Variants in SDK1 observed in about 807,000 individuals in gnomAD.
The protein encoded by SDK1 is protein sidekick-1.
SDK1 carries 157 observed loss-of-function variants against 245.5 expected under a neutral mutation model. That is an observed-to-expected ratio of 0.64 (90% CI 0.56 to 0.73). SDK1 has a LOEUF of 0.73. Ranked by LOEUF, SDK1 falls within the 30% of genes least tolerant of loss-of-function variation. The pLI is 0.00. For missense variants in SDK1, 3,583 were observed against 3,002.3 expected, an observed-to-expected ratio of 1.19 and a Z score of -4.52; for synonymous variants, 1,647 against 1,278.5, an observed-to-expected ratio of 1.29 and a Z score of -6.15.
At chr7:3,303,231 T>C (rs1779328294) in intron 1 of SDK1, among the ~76,000 whole-genome samples, 1 of 152,232 alleles carries the variant, frequency 6.6e-6, no homozygotes, top group South Asian at 2.1e-4. Flanking sequence ...TATTAAGTCA[T>C]TTTGTACAGT....
chr7:3,391,332 G>C (rs1032638346), intron 1 of SDK1, among the ~76,000 whole-genome samples: 2 of 152,072 alleles, frequency 1.3e-5, no homozygotes, highest in African/African-American at 4.8e-5. Context: ...CATGACCTTG[G>C]TTCCATTGTG....
chr7:4,265,085 CCTGCCCTGCACT>C, intron 44 of SDK1, 27 bp from the exon 45 acceptor site: 1 of 1,594,056 alleles, frequency 6.3e-7, no homozygotes, highest in Non-Finnish European at 8.5e-7. Context: ...GGCCCTGCGC[CCTGCCCTGCACT>C]CACACCTTCT....
chr7:4,025,309 C>T (rs904335053), intron 17 of SDK1, among the ~76,000 whole-genome samples: 5 of 152,322 alleles, frequency 3.3e-5, no homozygotes, highest in Admixed American at 2.0e-4. Context: ...ATCAGGGTCT[C>T]GGCTATGAAG....
intron 5 of SDK1, among the ~76,000 whole-genome samples, chr7:3,875,560 C>T (rs1781055138): frequency 2.0e-5 from 3 of 152,200 alleles, no homozygotes; most frequent in Non-Finnish European, 1.5e-5. Flanking sequence ...CTGTGGTAGG[C>T]GTCCCCTCTT....
At chr7:4,241,729 C>G in intron 42 of SDK1, 64 bp from the exon 43 acceptor site, 2 of 1,603,210 alleles carry the variant, frequency 1.2e-6, no homozygotes, top group Non-Finnish European at 1.7e-6. Context: ...CCAGCTCTGG[C>G]TTGGCGTGGC....
rs541919956 is a variant in SDK1 at position 4,166,280 on chromosome 7, C to T, written c.4800+4424C>T. Reference sequence around the variant, plus strand: ...TTTCTTTTTCTCTTCACTTGTGCCACCCACAGAGGACCAACACCTGCATGG... The same window carrying T: ...TTTCTTTTTCTCTTCACTTGTGCCATCCACAGAGGACCAACACCTGCATGG... On this transcript the variant is annotated intron_variant, in intron 32 of 44. Transcript: ENST00000404826. Among the ~76,000 whole-genome samples the T allele has an allele frequency of 2.6e-5, 4 of 152,352 alleles. No individual in the cohort carries two copies. The South Asian group carries it at 6.2e-4, about 24-fold the overall frequency.
intron 5 of SDK1, among the ~76,000 whole-genome samples, chr7:3,948,637 G>A (rs62439583): frequency 1.3e-5 from 2 of 152,200 alleles, no homozygotes; most frequent in African/African-American, 2.4e-5. Flanking sequence ...GCTGAACCCC[G>A]TGATGGATGG....
At chr7:3,800,345 C>T (rs1188711103) in intron 4 of SDK1, among the ~76,000 whole-genome samples, 1 of 151,050 alleles carries the variant, frequency 6.6e-6, no homozygotes, top group Non-Finnish European at 1.5e-5. Context: ...CACTAATCGC[C>T]ATCTTTTACT....
intron 5 of SDK1, among the ~76,000 whole-genome samples, chr7:3,895,111 C>T (rs1276869616): frequency 6.6e-6 from 1 of 152,110 alleles, no homozygotes; most frequent in Non-Finnish European, 1.5e-5. Flanking sequence ...AGAAGAATAG[C>T]ACAAAATATT....
chr7:4,065,942 C>G (rs7802663), intron 19 of SDK1, among the ~76,000 whole-genome samples: 39,207 of 151,676 alleles, frequency 0.26, 7,688 homozygotes, highest in African/African-American at 0.56. Context: ...ACTTCATGCT[C>G]TCCTATTTTA....
chr7:4,234,951 C>G (rs905647121), intron 41 of SDK1, among the ~76,000 whole-genome samples: 2 of 152,186 alleles, frequency 1.3e-5, no homozygotes, highest in African/African-American at 4.8e-5. Context: ...GAAGCTGTTC[C>G]TCTCCTCTGC....
intron 5 of SDK1, among the ~76,000 whole-genome samples, chr7:3,922,291 C>T (rs1779618154): frequency 6.6e-6 from 1 of 152,202 alleles, no homozygotes; most frequent in Non-Finnish European, 1.5e-5. Flanking sequence ...TCGGGATGTG[C>T]TGGAGCCCAC....
chr7:3,509,018 C>G (rs534227780), intron 1 of SDK1, among the ~76,000 whole-genome samples: 1 of 152,042 alleles, frequency 6.6e-6, no homozygotes. Flanking sequence ...TCATAGCAGG[C>G]AGGCAGCAGT....
At chr7:4,126,271 A>G (rs1784385184) in intron 25 of SDK1, among the ~76,000 whole-genome samples, 1 of 152,252 alleles carries the variant, frequency 6.6e-6, no homozygotes, top group Non-Finnish European at 1.5e-5. Flanking sequence ...CAAGAAAATT[A>G]ACAAAGCAAA....
At chr7:4,174,809 T>C (rs553564425) in intron 33 of SDK1, among the ~76,000 whole-genome samples, 16 of 152,214 alleles carry the variant, frequency 1.1e-4, no homozygotes, top group African/African-American at 3.9e-4. Context: ...CACTGCGCCA[T>C]GATCGTTGCT....
chr7:3,439,041 T>C (rs1361334390), intron 1 of SDK1, among the ~76,000 whole-genome samples: 1 of 151,760 alleles, frequency 6.6e-6, no homozygotes, highest in African/African-American at 2.4e-5. Flanking sequence ...TTAGTAGAGA[T>C]GGGGTTTTAC....
In SDK1 at chr7:3,675,963, C is replaced by A. The variant is rs569935645; in HGVS notation, c.713+33858C>A. Among the ~76,000 whole-genome samples the A allele has an allele frequency of 3.3e-5, 5 of 152,188 alleles. No homozygotes were observed. The East Asian group carries it at 9.7e-4, about 29-fold the overall frequency. On this transcript the variant is annotated intron_variant, in intron 4 of 44. Transcript: ENST00000404826. ...TTAGACATTTGTTGAATGCATAGTT[C>A]CTGAATATTTTCTCCCATTCTGTAG...
intron 17 of SDK1, among the ~76,000 whole-genome samples, chr7:4,030,213 CAGAG>C (rs538838455): frequency 1.1e-3 from 174 of 152,342 alleles, no homozygotes; most frequent in African/African-American, 4.0e-3. Context: ...GTGAGCCACA[CAGAG>C]AGAACCAAGG....
In SDK1 at chr7:3,987,162, C is replaced by G. The variant is rs757833081; in HGVS notation, c.1995-24C>G. 9 of 1,611,198 alleles carry G rather than the reference C, an allele frequency of 5.6e-6. No homozygotes were observed. In the East Asian group the frequency reaches 1.8e-4, roughly 32 times the overall value. On this transcript the variant is annotated intron_variant, in intron 13 of 44. Transcript: ENST00000404826. The stretch of plus-strand genomic sequence containing the variant: ...TTCTGACATGTGTTTTCCTCTTTTT[C>G]CTTTTCATCCCATTCAATTCAAGTG...
Sources: allele counts gnomAD v4.1 joint callset (sites outside exome capture counted in the v4.1 genomes callset), GRCh38; gene constraint gnomAD v4.1.1; transcripts MANE v1.5; gene names NCBI Gene and HGNC (gene_info 2026-07-23, HGNC 2026-07-21).